Variants in C13orf46 observed in about 807,000 individuals in gnomAD.
C13orf46 encodes chromosome 13 open reading frame 46.
At chr13:113,969,386 G>A (rs2052680640) in intron 2 of C13orf46, among the ~76,000 whole-genome samples, 2 of 152,234 alleles carry the variant, frequency 1.3e-5, no homozygotes, top group South Asian at 4.1e-4. Flanking sequence ...CAGCTCAACT[G>A]CCCTCACCAA....
the C13orf46 span, among the ~76,000 whole-genome samples, chr13:113,930,379 C>A: frequency 1.0e-5 from 1 of 96,850 alleles, no homozygotes; most frequent in Non-Finnish European, 2.2e-5. Context: ...AGCACCGAGG[C>A]GGGGGCGCAG....
the C13orf46 span, among the ~76,000 whole-genome samples, chr13:113,946,165 T>G: frequency 6.6e-6 from 1 of 152,232 alleles, no homozygotes; most frequent in Admixed American, 6.5e-5. Context: ...GACGGCTTTA[T>G]TTGCGCCCCG....
chr13:113,941,585 G>A, the C13orf46 span, among the ~76,000 whole-genome samples: 7 of 152,216 alleles, frequency 4.6e-5, no homozygotes, highest in African/African-American at 1.4e-4. Flanking sequence ...GAGGCTGGGC[G>A]TCTGAGACCC....
chr13:113,952,713 C>A (rs2052494177), downstream of C13orf46, among the ~76,000 whole-genome samples: 1 of 152,204 alleles, frequency 6.6e-6, no homozygotes, highest in Non-Finnish European at 1.5e-5. Flanking sequence ...TGGGCTTCCA[C>A]CCCTCCCTGG....
intron 1 of C13orf46, among the ~76,000 whole-genome samples, chr13:113,972,679 C>A (rs993815628): frequency 6.6e-6 from 1 of 152,230 alleles, no homozygotes; most frequent in Non-Finnish European, 1.5e-5. Flanking sequence ...GCAGCCTACA[C>A]GTTTCGCGGT....
In C13orf46 at chr13:113,972,933, C is replaced by T. The variant is rs537553219; in HGVS notation, c.190+875G>A. Among the ~76,000 whole-genome samples, 17 of 152,342 alleles carry T rather than the reference C, an allele frequency of 1.1e-4. No individual in the cohort carries two copies. In the South Asian group the frequency reaches 1.2e-3, roughly 11 times the overall value. Reference sequence around the variant, plus strand: ...AGCCCCCACAGCTCCGCCCCAGCAGCGCAAGGCCTTCCCAGCAGCCCTGGG... The same window carrying T: ...AGCCCCCACAGCTCCGCCCCAGCAGTGCAAGGCCTTCCCAGCAGCCCTGGG... On this transcript the variant is annotated intron_variant, in intron 1 of 6. Transcript: ENST00000636427.
At position 113,954,369 on chromosome 13, in the gene C13orf46, A is replaced by C. The variant is rs2052504399; in HGVS notation, c.*2404T>G. On this transcript the variant is annotated 3_prime_UTR_variant, in exon 7 of 7. Coordinates refer to ENST00000636427, the MANE Select transcript of C13orf46 (RefSeq NM_001365455.2). ...TGAATATGCACGTGTGCGTGTCTGA[A>C]CGAGAGGGCTCTGGGTGGATTCTGG... 2 of 152,488 alleles carry C rather than the reference A, an allele frequency of 1.3e-5. No individual in the cohort carries two copies. The highest frequency in any genetic ancestry group is 4.8e-5 in the African/African-American group (2 of 41,438). The allele number at this position is 152,488 out of a possible 1,614,324, so 9.4% of individuals were successfully genotyped here.
At chr13:113,930,234 A>G in the C13orf46 span, among the ~76,000 whole-genome samples, 1 of 152,224 alleles carries the variant, frequency 6.6e-6, no homozygotes, top group African/African-American at 2.4e-5. Context: ...CTACAAGCCC[A>G]TCATCAAACA....
chr13:113,938,708 G>A, the C13orf46 span, among the ~76,000 whole-genome samples: 3 of 152,160 alleles, frequency 2.0e-5, no homozygotes, highest in Admixed American at 6.5e-5. Flanking sequence ...ACTGGGAGTC[G>A]CTCCCTTCCA....
chr13:113,935,740 A>G, the C13orf46 span, among the ~76,000 whole-genome samples: 1 of 152,072 alleles, frequency 6.6e-6, no homozygotes, highest in African/African-American at 2.4e-5. Context: ...ATGCATTTTC[A>G]TTTTTACACT....
chr13:113,952,872 A>G (rs1594240036), downstream of C13orf46, among the ~76,000 whole-genome samples: 1 of 152,214 alleles, frequency 6.6e-6, no homozygotes. Flanking sequence ...GAACACGCTC[A>G]TGCTGGGCGG....
At chr13:113,948,831 G>A (rs2052479185), downstream of C13orf46, among the ~76,000 whole-genome samples, 3 of 152,190 alleles carry the variant, frequency 2.0e-5, no homozygotes, top group African/African-American at 4.8e-5. Context: ...AAATACATCT[G>A]GTCTTTGTCC....
rs1294656493 is a variant in C13orf46, at chr13:113,965,994, AGTGGTGATGATGATGATG to A, written c.505-1018_505-1001del. ...TGTTGGTGATGATGGTGACAGTGAT[AGTGGTGATGATGATGATG>A]GTGGTGATGATGGTCATGATAGTGA... On this transcript the variant is annotated intron_variant, in intron 5 of 6. Transcript: ENST00000636427. Among the ~76,000 whole-genome samples, 220 of 142,810 alleles carry A rather than the reference AGTGGTGATGATGATGATG, an allele frequency of 1.5e-3. 2 individuals are homozygous for A. In the East Asian group the frequency reaches 0.044, roughly 29 times the overall value. 93.7% of individuals were successfully genotyped at this position (142,810 alleles called of 152,430 possible).
the C13orf46 span, among the ~76,000 whole-genome samples, chr13:113,948,579 C>T: frequency 6.6e-6 from 1 of 152,200 alleles, no homozygotes; most frequent in Non-Finnish European, 1.5e-5. Context: ...GATGTCTTGT[C>T]TTTGTCCCGC....
chr13:113,937,619 C>T, the C13orf46 span, among the ~76,000 whole-genome samples: 2 of 152,118 alleles, frequency 1.3e-5, no homozygotes, highest in African/African-American at 4.8e-5. Context: ...TGACAACATG[C>T]CTGAGGTGGT....
intron 2 of C13orf46, among the ~76,000 whole-genome samples, chr13:113,969,480 AC>A (rs2138993316): frequency 6.6e-6 from 1 of 152,140 alleles, no homozygotes; most frequent in East Asian, 1.9e-4. Context: ...ACTCACTCTC[AC>A]CAACTGATTG....
At chr13:113,950,049 C>T (rs2052482918), downstream of C13orf46, among the ~76,000 whole-genome samples, 7 of 142,236 alleles carry the variant, frequency 4.9e-5, no homozygotes, top group Admixed American at 2.8e-4. Flanking sequence ...AGAGTGGGGT[C>T]ATCACTCTTG....
At chr13:113,950,164 G>A (rs1353307212), downstream of C13orf46, among the ~76,000 whole-genome samples, 3 of 105,468 alleles carry the variant, frequency 2.8e-5, no homozygotes, top group African/African-American at 1.1e-4. Flanking sequence ...CCCCACCTTG[G>A]GGACCTCACT....
intron 5 of C13orf46, among the ~76,000 whole-genome samples, chr13:113,966,154 C>T (rs921579099): frequency 0.012 from 1,351 of 110,004 alleles, 59 homozygotes; most frequent in African/African-American, 0.048. Flanking sequence ...ACAATGGTGA[C>T]GGTGATAGTG....
Sources: allele counts gnomAD v4.1 joint callset (sites outside exome capture counted in the v4.1 genomes callset), GRCh38; gene constraint gnomAD v4.1.1; transcripts MANE v1.5; gene names NCBI Gene and HGNC (gene_info 2026-07-23, HGNC 2026-07-21).